The following AGAP3 variants were observed in gnomAD, a reference collection of about 807,000 sequenced individuals.
AGAP3 encodes ArfGAP with GTPase domain, ankyrin repeat and PH domain 3.
A neutral mutation model predicts 96.9 loss-of-function variants in AGAP3; 24 were observed. The observed-to-expected ratio is 0.25, with a 90% CI of 0.18 to 0.35. The LOEUF (loss-of-function observed/expected upper bound fraction) is 0.35, where lower values mean the gene tolerates loss of function less well. AGAP3 is among the 10% of genes least tolerant of loss of function. The pLI is 1.00. For synonymous variants in AGAP3, 563 were observed against 536.1 expected (o/e 1.05, Z -0.69); for missense variants, 876 against 1,254.2 (o/e 0.70, Z 4.55).
intron 8 of AGAP3, chr7:151,123,363 G>T (rs1046708571): frequency 7.6e-5 from 79 of 1,044,198 alleles, no homozygotes; most frequent in South Asian, 1.0e-4. Flanking sequence ...ACGCCGACGC[G>T]CTCGGTGCCA....
In AGAP3 at chr7:151,114,580, C is replaced by G. The variant is rs1359285353; in HGVS notation, c.332-2213C>G. 2 of 431,934 alleles carry G rather than the reference C, an allele frequency of 4.6e-6. No homozygotes were observed. The highest frequency in any genetic ancestry group is 1.5e-4 in the East Asian group (1 of 6,502). 26.8% of individuals were successfully genotyped at this position (431,934 alleles called of 1,614,324 possible). ...CAGGCCAGACTTGCCGCCTCTCTCTCCGGGCTGGGCTGACTCCCGGCCTCT... is the reference window on the plus strand; with the variant it reads ...CAGGCCAGACTTGCCGCCTCTCTCTGCGGGCTGGGCTGACTCCCGGCCTCT... On this transcript the variant is annotated intron_variant, in intron 1 of 17. Coordinates refer to ENST00000397238, the MANE Select transcript of AGAP3 (RefSeq NM_031946.7). This position sits in a 1 kb window ranked among gnomAD's most constrained non-coding sequence, Gnocchi z 4.4.
chr7:151,138,143 G>A lies in AGAP3; in HGVS notation c.1496G>A (p.Gly499Asp). 2 of 1,592,634 alleles carry A rather than the reference G, an allele frequency of 1.3e-6. No individual in the cohort carries two copies. The highest frequency in any genetic ancestry group is 1.1e-5 in the South Asian group (1 of 88,052). ...CCAGTCTGACCCTTCCCGCCCCCAG[G>A]TGCCCCCCACTCGGCCAGCAGCGCA... is the stretch of plus-strand genomic sequence containing the variant. Reference protein sequence around the residue: ...RSNTQLGGGTGAPHSASSASL... With the variant: ...RSNTQLGGGTDAPHSASSASL... The change falls in exon 12 of 18, where the codon GGT becomes GAT. Residue 499 changes from glycine to aspartate, a missense_variant and splice_region_variant. Physicochemically the swap from Gly to Asp is moderately conservative, Grantham distance 94. Transcript: ENST00000397238.
chr7:151,089,083 C>T (rs1798275925), intron 1 of AGAP3, among the ~76,000 whole-genome samples: 2 of 152,134 alleles, frequency 1.3e-5, no homozygotes, highest in African/African-American at 4.8e-5. Context: ...TCCCCCCTGC[C>T]CAGCCTCTCC....
chr7:151,091,024 G>A (rs896724103), intron 1 of AGAP3, among the ~76,000 whole-genome samples: 5 of 152,250 alleles, frequency 3.3e-5, no homozygotes, highest in African/African-American at 7.2e-5. Flanking sequence ...CACACCTGGG[G>A]TTTTAGTGTT....
At chr7:151,091,541 G>T (rs533264852) in intron 1 of AGAP3, among the ~76,000 whole-genome samples, 1 of 152,332 alleles carries the variant, frequency 6.6e-6, no homozygotes, top group African/African-American at 2.4e-5. Context: ...GGTGCACCTG[G>T]AGAGAACGAC....
chr7:151,090,974 C>T (rs184367347), intron 1 of AGAP3, among the ~76,000 whole-genome samples: 4 of 152,294 alleles, frequency 2.6e-5, no homozygotes, highest in African/African-American at 7.2e-5. Flanking sequence ...CAAAACAAAA[C>T]GGCATACGCC....
At chr7:151,120,823 G>A in intron 8 of AGAP3, 2 of 1,162,796 alleles carry the variant, frequency 1.7e-6, no homozygotes, top group South Asian at 1.7e-5. Flanking sequence ...TGTTGTGCTG[G>A]CCCGGCTGAG....
Position 151,133,798 on chromosome 7 carries a change from C to T in AGAP3, c.1327-602C>T, listed in dbSNP as rs551767355. 7.9e-5 allele frequency among the ~76,000 whole-genome samples: 12 copies of T among 152,274 alleles called. 1 individual carries two copies. The highest frequency in any genetic ancestry group is 1.9e-4 in the East Asian group (1 of 5,190). Reference sequence around the variant, plus strand: ...TGCACGCGACAGGCAGATGACATGACGGCGATGACGATGACTGCCGCCAGG... The same window carrying T: ...TGCACGCGACAGGCAGATGACATGATGGCGATGACGATGACTGCCGCCAGG... On this transcript the variant is annotated intron_variant, in intron 10 of 17. Coordinates refer to ENST00000397238, the MANE Select transcript of AGAP3 (RefSeq NM_031946.7). The surrounding 1 kb of genome is among the most constrained non-coding windows in gnomAD (Gnocchi z 5.4).
chr7:151,104,391 G>C (rs573396499), intron 1 of AGAP3, among the ~76,000 whole-genome samples: 2 of 152,158 alleles, frequency 1.3e-5, no homozygotes, highest in African/African-American at 4.8e-5. Flanking sequence ...CACATGTGCC[G>C]GATACATGCT....
chr7:151,123,472 C>A lies in AGAP3; in HGVS notation c.1129-322C>A, dbSNP rs1368533781. The A allele has an allele frequency of 2.1e-5, 25 of 1,177,998 alleles. No individual in the cohort carries two copies. In the East Asian group the frequency reaches 8.5e-4, roughly 40 times the overall value. The allele number at this position is 1,177,998 out of a possible 1,614,324, so 73.0% of individuals were successfully genotyped here. On this transcript the variant is annotated intron_variant, in intron 8 of 17. Transcript: ENST00000397238. ...GCGCCCTGTGCTCCCGACCAGCAGC[C>A]CCACCGTCCACCTCCTCGCCCCCGC...
At chr7:151,100,724 C>T (rs927420013) in intron 1 of AGAP3, among the ~76,000 whole-genome samples, 10 of 152,164 alleles carry the variant, frequency 6.6e-5, no homozygotes, top group African/African-American at 2.4e-4. Context: ...CGCCTGTAGT[C>T]CCAGCTACTC....
In AGAP3 at chr7:151,108,833, A is replaced by G. The variant is rs1004677039; in HGVS notation, c.332-7960A>G. ...AGTGACTTCCCCTCTCTGGGTGTCA[A>G]TGCCCTCATCTCTAAAAGGAGAGGA... On this transcript the variant is annotated intron_variant, in intron 1 of 17. Coordinates refer to ENST00000397238, the MANE Select transcript of AGAP3 (RefSeq NM_031946.7). This position sits in a 1 kb window ranked among gnomAD's most constrained non-coding sequence, Gnocchi z 4.2. 4.8e-4 allele frequency among the ~76,000 whole-genome samples: 73 copies of G among 152,322 alleles called. No homozygotes were observed. Among genetic ancestry groups the G allele is most frequent in the African/African-American group, 1.7e-3 (70 of 41,574 alleles).
In AGAP3 at chr7:151,118,382, G is replaced by A. The variant is rs758107211; in HGVS notation, c.841+38G>A. Reference sequence around the variant, plus strand: ...CCGGGTGGGAGTCACTGGCAGCCGCGGCCCCAGTGCTGGCGATAGGAAGGC... The same window carrying A: ...CCGGGTGGGAGTCACTGGCAGCCGCAGCCCCAGTGCTGGCGATAGGAAGGC... On this transcript the variant is annotated intron_variant, in intron 6 of 17. Transcript: ENST00000397238. This position sits in a 1 kb window ranked among gnomAD's most constrained non-coding sequence, Gnocchi z 6.1. The A allele has an allele frequency of 7.5e-6, 12 of 1,597,616 alleles. No individual in the cohort carries two copies. The highest frequency in any genetic ancestry group is 2.7e-5 in the African/African-American group (2 of 74,648).
intron 1 of AGAP3, among the ~76,000 whole-genome samples, chr7:151,087,555 A>G (rs941196953): frequency 1.3e-5 from 2 of 151,888 alleles, no homozygotes; most frequent in Non-Finnish European, 2.9e-5. Flanking sequence ...CTCCCGACGC[A>G]CACCCCCTAC....
At chr7:151,086,348 C>T (rs1330132877), upstream of AGAP3, among the ~76,000 whole-genome samples, 2 of 111,424 alleles carry the variant, frequency 1.8e-5, no homozygotes, top group Non-Finnish European at 3.5e-5. Context: ...GCGCCCGGGC[C>T]GGCGCGCAGG....
At chr7:151,129,826 C>G (rs1447102842) in intron 10 of AGAP3, among the ~76,000 whole-genome samples, 1 of 152,216 alleles carries the variant, frequency 6.6e-6, no homozygotes, top group African/African-American at 2.4e-5. Flanking sequence ...CCAAAGGGCG[C>G]TCTGCGGGTA....
At chr7:151,138,386 T>C in intron 12 of AGAP3, 73 bp downstream of exon 12, 1 of 1,483,322 alleles carries the variant, frequency 6.7e-7, no homozygotes. Flanking sequence ...CTGGGCAGCA[T>C]TCTTGGCTTG....
chr7:151,097,079 G>A (rs576511869), intron 1 of AGAP3, among the ~76,000 whole-genome samples: 3 of 152,132 alleles, frequency 2.0e-5, no homozygotes, highest in South Asian at 2.1e-4. Context: ...GTGAGCCACC[G>A]CGCCCGGCCT....
At chr7:151,117,253 T>TG (rs35671547) in intron 3 of AGAP3, 71 bp downstream of exon 3, 111,004 of 1,578,034 alleles carry the variant, frequency 0.07, 4,608 homozygotes, top group Non-Finnish European at 0.085. Flanking sequence ...AGGGTCTGGG[T>TG]GGGGGGTCTC....
Sources: gnomAD v4.1 joint callset for allele counts (sites outside exome capture counted in the v4.1 genomes callset) on GRCh38, gnomAD v4.1.1 for gene constraint, Gnocchi (gnomAD v3.1) non-coding constraint, MANE v1.5 for transcripts, NCBI Gene and HGNC (gene_info 2026-07-23, HGNC 2026-07-21) for gene names.